RHPN2: variants seen among roughly 807,000 people sequenced by gnomAD.
RHPN2 encodes the protein rhophilin Rho GTPase binding protein 2, also known as rhophilin-2.
In RHPN2, 40 loss-of-function variants were observed where a neutral mutation model predicts 79.0. That is an observed-to-expected ratio of 0.51 (90% CI 0.39 to 0.66). The LOEUF (loss-of-function observed/expected upper bound fraction) is 0.66, where lower values mean the gene tolerates loss of function less well. Among genes scored for constraint, RHPN2 ranks in the 30% least tolerant of loss-of-function variants. The pLI, the probability that RHPN2 is intolerant of heterozygous loss-of-function variation, is 0.00. For missense variants in RHPN2, 686 were observed against 883.5 expected, an observed-to-expected ratio of 0.78 and a Z score of 2.83; for synonymous variants, 285 against 363.5, an observed-to-expected ratio of 0.78 and a Z score of 2.46.
At chr19:32,986,500 T>C (rs2145999253) in intron 14 of RHPN2, among the ~76,000 whole-genome samples, 1 of 152,276 alleles carries the variant, frequency 6.6e-6, no homozygotes, top group South Asian at 2.1e-4. Flanking sequence ...TATCTTCTTT[T>C]AAAATTTGAA....
chr19:33,023,965 C>T (rs952036686), intron 3 of RHPN2, among the ~76,000 whole-genome samples: 1 of 152,124 alleles, frequency 6.6e-6, no homozygotes, highest in South Asian at 2.1e-4. Flanking sequence ...CTGTGTTGCA[C>T]GTCCCTGCTC....
At chr19:33,001,440 G>T (rs1400591874) in intron 9 of RHPN2, among the ~76,000 whole-genome samples, 4 of 152,086 alleles carry the variant, frequency 2.6e-5, no homozygotes, top group Non-Finnish European at 5.9e-5. Context: ...TATTTGGGAG[G>T]CTGAATTGGG....
At chr19:33,063,954 A>T (rs1460737183) in intron 1 of RHPN2, among the ~76,000 whole-genome samples, 1 of 152,156 alleles carries the variant, frequency 6.6e-6, no homozygotes, top group Admixed American at 6.5e-5. Context: ...CCCGGAGCGG[A>T]GGAGGGTGCA....
intron 1 of RHPN2, among the ~76,000 whole-genome samples, chr19:33,047,966 C>T (rs2145265960): frequency 6.6e-6 from 1 of 152,180 alleles, no homozygotes; most frequent in East Asian, 1.9e-4. Context: ...ACTTCTCATT[C>T]TCATTTCCCA....
intron 2 of RHPN2, among the ~76,000 whole-genome samples, chr19:33,037,463 G>A (rs1304717983): frequency 6.6e-6 from 1 of 152,186 alleles, no homozygotes; most frequent in Non-Finnish European, 1.5e-5. Context: ...CCACACTGTG[G>A]AAGCTTTGTT....
intron 7 of RHPN2, among the ~76,000 whole-genome samples, chr19:33,005,125 C>A (rs886529759): frequency 2.6e-5 from 4 of 151,388 alleles, no homozygotes; most frequent in Non-Finnish European, 4.4e-5. Flanking sequence ...CAAGAAAGAT[C>A]TATTCTGGCC....
At chr19:33,009,835 G>A (rs1971822294) in intron 6 of RHPN2, among the ~76,000 whole-genome samples, 1 of 151,896 alleles carries the variant, frequency 6.6e-6, no homozygotes, top group Non-Finnish European at 1.5e-5. Flanking sequence ...CTAGACTGCA[G>A]TGGCGCCATC....
At chr19:32,986,262 T>A (rs1209913396) in intron 14 of RHPN2, among the ~76,000 whole-genome samples, 1 of 152,192 alleles carries the variant, frequency 6.6e-6, no homozygotes, top group Non-Finnish European at 1.5e-5. Flanking sequence ...TTTGCACCTC[T>A]CACAGGGGGC....
chr19:33,031,340 G>A (rs1972010227), intron 2 of RHPN2, among the ~76,000 whole-genome samples: 1 of 146,334 alleles, frequency 6.8e-6, no homozygotes, highest in African/African-American at 2.6e-5. Flanking sequence ...GCTTACTGCA[G>A]CCTTGCCCTC....
rs561843268 is a variant in RHPN2 at position 33,011,937 on chromosome 19, G to C, written c.469-134C>G. ...GTATGATGACCTCGCTACTGGCATC[G>C]TAAACTCTGGGAGGGGTGGAAAGAA... On this transcript the variant is annotated intron_variant, in intron 5 of 14. Coordinates refer to ENST00000254260, the MANE Select transcript of RHPN2 (RefSeq NM_033103.5). 124 of 1,151,868 alleles carry C rather than the reference G, an allele frequency of 1.1e-4. 2 individuals carry two copies. In the East Asian group the frequency reaches 3.1e-3, roughly 29 times the overall value. 71.4% of individuals were successfully genotyped at this position (1,151,868 alleles called of 1,614,324 possible). A position where few individuals can be genotyped will look rare whatever the true frequency, so the allele number is the denominator to read the frequency against.
intron 14 of RHPN2, among the ~76,000 whole-genome samples, chr19:32,983,587 C>T (rs186913216): frequency 6.7e-6 from 1 of 150,130 alleles, no homozygotes; most frequent in Non-Finnish European, 1.5e-5. Context: ...CACACACACT[C>T]TCTCACTCCT....
chr19:32,980,530 A>G (rs772327401), intron 14 of RHPN2, among the ~76,000 whole-genome samples: 1 of 152,082 alleles, frequency 6.6e-6, no homozygotes, highest in Non-Finnish European at 1.5e-5. Flanking sequence ...ACTTGAACCC[A>G]GGAGGTGGAG....
At chr19:33,017,848 C>T (rs1971890720) in intron 4 of RHPN2, among the ~76,000 whole-genome samples, 1 of 151,966 alleles carries the variant, frequency 6.6e-6, no homozygotes. Flanking sequence ...TGGTGAAACC[C>T]TGTCTCTACT....
intron 1 of RHPN2, 29 bp downstream of exon 1, chr19:33,064,755 T>TGCC: frequency 1.7e-4 from 240 of 1,427,732 alleles, no homozygotes; most frequent in Non-Finnish European, 2.1e-4. Flanking sequence ...AGCCCGCAGG[T>TGCC]CCCCGCCCGC....
chr19:33,025,983 T>G (rs933737025), intron 3 of RHPN2, among the ~76,000 whole-genome samples: 3 of 148,014 alleles, frequency 2.0e-5, no homozygotes, highest in Non-Finnish European at 4.5e-5. Flanking sequence ...GTTCATTTGT[T>G]TTTTTTTTTT....
intron 2 of RHPN2, 44 bp from the exon 3 acceptor site, chr19:33,026,676 C>A: frequency 1.3e-6 from 2 of 1,591,468 alleles, no homozygotes; most frequent in Non-Finnish European, 1.7e-6. Context: ...AGCCAGGTAT[C>A]CTGGCTTCTA....
intron 14 of RHPN2, among the ~76,000 whole-genome samples, chr19:32,986,424 A>AT (rs1399335790): frequency 5.9e-5 from 9 of 152,094 alleles, no homozygotes; most frequent in Non-Finnish European, 1.0e-4. Flanking sequence ...AACTCCATGG[A>AT]TTTTGTCCCT....
intron 13 of RHPN2, 56 bp from the exon 14 acceptor site, chr19:32,990,725 C>A: frequency 1.2e-6 from 2 of 1,603,848 alleles, no homozygotes; most frequent in Non-Finnish European, 1.7e-6. Flanking sequence ...ATCCTTGAAT[C>A]AGTCCCCATT....
chr19:33,036,367 ATGG>A (rs1972055870), intron 2 of RHPN2, among the ~76,000 whole-genome samples: 1 of 151,900 alleles, frequency 6.6e-6, no homozygotes, highest in Non-Finnish European at 1.5e-5. Flanking sequence ...TTAGCTGGGA[ATGG>A]TGGTATACGT....
Sources: gnomAD v4.1 joint callset for allele counts (sites outside exome capture counted in the v4.1 genomes callset) on GRCh38, gnomAD v4.1.1 for gene constraint, MANE v1.5 for transcripts, NCBI Gene and HGNC (gene_info 2026-07-23, HGNC 2026-07-21) for gene names.